The following NUP54 variants were observed in gnomAD, a reference collection of about 807,000 sequenced individuals.
The protein encoded by NUP54 is nucleoporin 54.
NUP54 carries 27 observed loss-of-function variants against 66.4 expected under a neutral mutation model. The ratio of observed to expected loss-of-function variants is 0.41; its 90% CI spans 0.30 to 0.56. The LOEUF is 0.56. Ranked by LOEUF, NUP54 falls within the 20% of genes least tolerant of loss-of-function variation. The probability of loss-of-function intolerance (pLI) is 0.34; values close to 1 mark genes in which losing one functional copy is unlikely to be tolerated. For missense variants in NUP54, 486 were observed against 596.3 expected (o/e 0.82, Z 1.93); for synonymous variants, 206 against 210.7 (o/e 0.98, Z 0.19).
rs766274117 is a variant in NUP54 at position 76,134,367 on chromosome 4, G to A, written c.523-5C>T. On this transcript the variant is annotated splice_region_variant and splice_polypyrimidine_tract_variant and intron_variant, in intron 4 of 11. Transcript: ENST00000264883. ...CATGCAACTATAACCTACTGCCTGT[G>A]GAATGACAAAATAAACAATATAAAA... 23 of 1,604,050 alleles carry A rather than the reference G, an allele frequency of 1.4e-5. No individual in the cohort carries two copies. The South Asian group carries it at 2.3e-4, about 16-fold the overall frequency.
intron 10 of NUP54, 115 bp from the exon 11 acceptor site, chr4:76,117,889 C>A: frequency 9.9e-7 from 1 of 1,011,830 alleles, no homozygotes; most frequent in Non-Finnish European, 1.5e-6. Context: ...ATTTCTCTCT[C>A]TGTACATTAT....
At chr4:76,148,165 C>T in intron 1 of NUP54, 143 bp downstream of exon 1, 1 of 656,058 alleles carries the variant, frequency 1.5e-6, no homozygotes, top group South Asian at 5.6e-5. Flanking sequence ...CCCACTCTGC[C>T]GCCGCCCGCC....
intron 1 of NUP54, among the ~76,000 whole-genome samples, chr4:76,146,775 A>C (rs1731518725): frequency 6.6e-6 from 1 of 152,240 alleles, no homozygotes; most frequent in African/African-American, 2.4e-5. Flanking sequence ...AATGAGCTGC[A>C]AACAACCCAC....
chr4:76,134,415 G>A, intron 4 of NUP54, 53 bp from the exon 5 acceptor site: 1 of 1,412,434 alleles, frequency 7.1e-7, no homozygotes, highest in Non-Finnish European at 9.7e-7. Flanking sequence ...TCTTAAATCA[G>A]GTGTTTAATA....
chr4:76,132,513 A>G lies in NUP54; in HGVS notation c.907+10T>C. On this transcript the variant is annotated intron_variant, in intron 6 of 11. Transcript: ENST00000264883. ...CTTTTTTTTTGAACTCTGTGATTCT[A>G]GAAACATACCAGCAGGAGGATTCTG... 1 of 1,560,436 alleles carries G rather than the reference A, an allele frequency of 6.4e-7. No individual in the cohort carries two copies. Among genetic ancestry groups the G allele is most frequent in the Non-Finnish European group, 8.7e-7 (1 of 1,153,088 alleles).
At chr4:76,115,617 AAT>A (rs1227089892) in intron 11 of NUP54, 123 bp from the exon 12 acceptor site, 1 of 583,846 alleles carries the variant, frequency 1.7e-6, no homozygotes, top group African/African-American at 1.9e-5. Flanking sequence ...AAGTGCTCTA[AAT>A]ATAGAGGGCA....
In NUP54 at chr4:76,134,437, A is replaced by G. The variant is rs542542182; in HGVS notation, c.523-75T>C. 1.2e-4 allele frequency: 142 copies of G among 1,183,074 alleles called. No homozygotes were observed. In the African/African-American group the frequency reaches 1.9e-3, roughly 16 times the overall value. 73.3% of individuals were successfully genotyped at this position (1,183,074 alleles called of 1,614,324 possible). On this transcript the variant is annotated intron_variant, in intron 4 of 11. Transcript: ENST00000264883. ...TCAGGTGTTTAATATTAATAGCTTAATATCTGCTAAAATGGGAAAAACAAC... is the reference window on the plus strand; with the variant it reads ...TCAGGTGTTTAATATTAATAGCTTAGTATCTGCTAAAATGGGAAAAACAAC...
chr4:76,125,774 AGGGAGAGAGG>A (rs1560679437), intron 8 of NUP54, among the ~76,000 whole-genome samples: 2 of 29,484 alleles, frequency 6.8e-5, no homozygotes, highest in Non-Finnish European at 1.2e-4. Context: ...AGGGGGAGAG[AGGGAGAGAGG>A]GGGAGAGAGG....
chr4:76,133,071 A>T (rs947522573), intron 5 of NUP54, among the ~76,000 whole-genome samples: 1 of 149,514 alleles, frequency 6.7e-6, no homozygotes, highest in Non-Finnish European at 1.5e-5. Context: ...TATATTTTTA[A>T]ATTTTTTTGA....
chr4:76,119,806 C>T (rs1271926174), intron 9 of NUP54, among the ~76,000 whole-genome samples: 9 of 152,090 alleles, frequency 5.9e-5, no homozygotes, highest in Admixed American at 2.0e-4. Context: ...AGTGCAAATC[C>T]TTCCATACTC....
intron 8 of NUP54, among the ~76,000 whole-genome samples, chr4:76,125,637 AGGGG>A: frequency 4.8e-5 from 1 of 20,966 alleles, no homozygotes; most frequent in African/African-American, 2.6e-4. Context: ...AGAGGGGGAG[AGGGG>A]GAGAGGGGGA....
At chr4:76,131,326 T>C (rs866619504) in intron 6 of NUP54, 42 bp from the exon 7 acceptor site, 1 of 1,265,652 alleles carries the variant, frequency 7.9e-7, no homozygotes. Flanking sequence ...CAATTTTCTA[T>C]TTTTATAATA....
At chr4:76,133,890 A>G (rs1003336952) in intron 5 of NUP54, among the ~76,000 whole-genome samples, 3 of 152,222 alleles carry the variant, frequency 2.0e-5, no homozygotes, top group Admixed American at 6.5e-5. Context: ...ACATTTTCCA[A>G]TAACATCTTT....
At chr4:76,133,047 G>GAT (rs111375566) in intron 5 of NUP54, among the ~76,000 whole-genome samples, 102 of 111,622 alleles carry the variant, frequency 9.1e-4, no homozygotes, top group African/African-American at 2.5e-3. Flanking sequence ...AAATATATAT[G>GAT]ATATATATAT....
chr4:76,132,512 T>C lies in NUP54; in HGVS notation c.907+11A>G, dbSNP rs1281164998. On this transcript the variant is annotated intron_variant, in intron 6 of 11. Transcript: ENST00000264883. ...TCTTTTTTTTTGAACTCTGTGATTC[T>C]AGAAACATACCAGCAGGAGGATTCT... 4 of 1,562,224 alleles carry C rather than the reference T, an allele frequency of 2.6e-6. No individual in the cohort carries two copies. The highest frequency in any genetic ancestry group is 2.3e-5 in the East Asian group (1 of 43,418).
intron 10 of NUP54, 64 bp downstream of exon 10, chr4:76,118,011 A>C: frequency 6.5e-7 from 1 of 1,535,212 alleles, no homozygotes; most frequent in Admixed American, 1.8e-5. Flanking sequence ...TGAAGATTAC[A>C]TAACTTTTTG....
intron 9 of NUP54, among the ~76,000 whole-genome samples, chr4:76,124,135 G>C (rs1000750156): frequency 6.6e-6 from 1 of 151,898 alleles, no homozygotes; most frequent in Non-Finnish European, 1.5e-5. Context: ...TTTTATGGCT[G>C]TAAGTTTTCC....
At chr4:76,121,488 G>A (rs1730233457) in intron 9 of NUP54, among the ~76,000 whole-genome samples, 1 of 152,128 alleles carries the variant, frequency 6.6e-6, no homozygotes, top group Non-Finnish European at 1.5e-5. Context: ...GTCTCCCTAT[G>A]TTGCCCAGGC....
intron 5 of NUP54, among the ~76,000 whole-genome samples, chr4:76,133,176 G>T (rs1187816850): frequency 6.6e-6 from 1 of 151,850 alleles, no homozygotes; most frequent in African/African-American, 2.4e-5. Context: ...GGGATTACAG[G>T]TATGATGAGC....
Sources: allele counts gnomAD v4.1 joint callset (sites outside exome capture counted in the v4.1 genomes callset), GRCh38; gene constraint gnomAD v4.1.1; transcripts MANE v1.5; gene names NCBI Gene and HGNC (gene_info 2026-07-23, HGNC 2026-07-21).